Variants in NOP53 observed in about 807,000 individuals in gnomAD.
NOP53 encodes the protein NOP53 ribosome biogenesis factor, also known as ribosome biogenesis protein NOP53.
NOP53 carries 40 observed loss-of-function variants against 61.0 expected under a neutral mutation model. The ratio of observed to expected loss-of-function variants is 0.66; its 90% CI spans 0.51 to 0.85. The LOEUF is 0.85. Among genes scored for constraint, NOP53 ranks in the 40% least tolerant of loss-of-function variants. The pLI, the probability that NOP53 is intolerant of heterozygous loss-of-function variation, is 0.00. For synonymous variants in NOP53, 308 were observed against 289.5 expected (o/e 1.06, Z -0.65); for missense variants, 689 against 652.9 (o/e 1.06, Z -0.60).
At chr19:47,755,118 G>A (rs976545021) in intron 8 of NOP53, among the ~76,000 whole-genome samples, 3 of 152,108 alleles carry the variant, frequency 2.0e-5, no homozygotes, top group Non-Finnish European at 4.4e-5. Context: ...TTCTGTTTGA[G>A]GGGCGGGGTG....
chr19:47,756,393 G>C lies in NOP53; in HGVS notation c.1297-135G>C, dbSNP rs564189080. ...ACTGAGCCCCAGCAGCTGAGGGCCA[G>C]GCTGAGTCCCTGGTGCCCACAGGCT... is the stretch of plus-strand genomic sequence containing the variant. On this transcript the variant is annotated intron_variant, in intron 10 of 12. Coordinates refer to ENST00000246802, the MANE Select transcript of NOP53 (RefSeq NM_015710.5). The C allele has an allele frequency of 2.5e-4, 165 of 648,592 alleles. 1 individual carries two copies. In the Middle Eastern group the frequency reaches 3.8e-3, roughly 15 times the overall value. The allele number at this position is 648,592 out of a possible 1,614,324, so 40.2% of individuals were successfully genotyped here. A position where few individuals can be genotyped will look rare whatever the true frequency, so the allele number is the denominator to read the frequency against.
chr19:47,756,314 ACTC>A, intron 10 of NOP53: 1 of 586,096 alleles, frequency 1.7e-6, no homozygotes, highest in Non-Finnish European at 3.0e-6. Flanking sequence ...ACTTCCCGTG[ACTC>A]CTCTAAGCCC....
chr19:47,756,489 C>T, intron 10 of NOP53, 39 bp from the exon 11 acceptor site: 2 of 1,560,058 alleles, frequency 1.3e-6, no homozygotes, highest in Non-Finnish European at 1.8e-6. Context: ...CCTTGGGCTT[C>T]TGCCAGGCCC....
rs576309511 is a variant in NOP53, at chr19:47,754,593, C to T, written c.832C>T (p.Gln278Ter). ...RQKEAEKLER[Q>*]LALPATEQAA... Reference sequence around the variant, plus strand: ...GAAGGAGGCGGAGAAGCTGGAGCGGCAGCTGGCCCTGCCCGCCACGGAGCA... The same window carrying T: ...GAAGGAGGCGGAGAAGCTGGAGCGGTAGCTGGCCCTGCCCGCCACGGAGCA... Residue 278 changes from glutamine to a stop codon, truncating the protein, a stop_gained, in exon 7 of 13, where the codon CAG becomes TAG. Coordinates refer to ENST00000246802, the MANE Select transcript of NOP53 (RefSeq NM_015710.5). LOFTEE classifies it high-confidence loss of function. The surrounding 1 kb of genome is among the most constrained non-coding windows in gnomAD (Gnocchi z 4.2). 3.2e-6 allele frequency: 5 copies of T among 1,550,746 alleles called. No homozygotes were observed. Among genetic ancestry groups the T allele is most frequent in the East Asian group, 4.9e-5 (2 of 41,054 alleles).
rs1259527101 is a variant in NOP53, at chr19:47,754,400, T to A, written c.766-127T>A. Reference sequence around the variant, plus strand: ...GGTGGGTGTGCTGGTAGACGGGGTGTGGGGAGGAAAGCCTGGGCCGGGGCG... The same window carrying A: ...GGTGGGTGTGCTGGTAGACGGGGTGAGGGGAGGAAAGCCTGGGCCGGGGCG... On this transcript the variant is annotated intron_variant, in intron 6 of 12. Coordinates refer to ENST00000246802, the MANE Select transcript of NOP53 (RefSeq NM_015710.5). The surrounding 1 kb of genome is among the most constrained non-coding windows in gnomAD (Gnocchi z 4.2). 1.4e-6 allele frequency: 1 copy of A among 722,198 alleles called. No homozygotes were observed. The highest frequency in any genetic ancestry group is 2.4e-6 in the Non-Finnish European group (1 of 415,654). 44.7% of individuals were successfully genotyped at this position (722,198 alleles called of 1,614,324 possible).
intron 3 of NOP53, among the ~76,000 whole-genome samples, chr19:47,750,643 T>G (rs1372780303): frequency 5.3e-5 from 8 of 151,476 alleles, no homozygotes; most frequent in Admixed American, 3.9e-4. Context: ...GATGCTGAGG[T>G]TGGTTTTGAC....
In NOP53 at chr19:47,755,451, C is replaced by CGCGGCGGCAGAG. The variant is rs749342231; in HGVS notation, c.1168_1179dup (p.Arg390_Gln393dup). 29 of 1,514,694 alleles carry CGCGGCGGCAGAG rather than the reference C, an allele frequency of 1.9e-5. No homozygotes were observed. In the East Asian group the frequency reaches 6.1e-4, roughly 32 times the overall value. The allele number at this position is 1,514,694 out of a possible 1,614,324, so 93.8% of individuals were successfully genotyped here. On this transcript the variant is annotated inframe_insertion, in exon 9 of 13. Coordinates refer to ENST00000246802, the MANE Select transcript of NOP53 (RefSeq NM_015710.5). ...GTGGCCCTGAGGCTGGCGGAGCTGG[C>CGCGGCGGCAGAG]GCGGCGGCAGAGGCGGCGGCAGGCG...
rs150894017 is a variant in NOP53, at chr19:47,751,078, G to A, written c.569G>A (p.Arg190Gln). 4.9e-5 allele frequency: 79 copies of A among 1,608,800 alleles called. No individual in the cohort carries two copies. In the African/African-American group the frequency reaches 5.5e-4, roughly 11 times the overall value. ...CCCGGGCCCCAGGACACCGTAGAGC[G>A]GCCCTTCTACGACCTCTGGGCCTCA... ...AKPGPQDTVE[R>Q]PFYDLWASDN... The change falls in exon 4 of 13, where the codon CGG (arginine) becomes CAG (glutamine). Residue 190 changes from arginine (R) to glutamine (Q), a missense_variant. Arg to Gln is a conservative substitution (Grantham distance 43). Transcript: ENST00000246802.
intron 1 of NOP53, chr19:47,746,059 A>C (rs949505915): frequency 2.1e-6 from 1 of 486,118 alleles, no homozygotes; most frequent in Non-Finnish European, 3.6e-6. Flanking sequence ...TAGCATAAAT[A>C]CGTTCCATGC....
At chr19:47,749,055 G>A (rs1967095326) in intron 2 of NOP53, among the ~76,000 whole-genome samples, 2 of 151,602 alleles carry the variant, frequency 1.3e-5, no homozygotes, top group Non-Finnish European at 2.9e-5. Flanking sequence ...CAGCTACTCA[G>A]GAGGCTGAGG....
chr19:47,752,465 G>A (rs573129114), intron 5 of NOP53, 47 bp from the exon 6 acceptor site: 18 of 1,198,388 alleles, frequency 1.5e-5, no homozygotes, highest in African/African-American at 4.4e-5. Context: ...TGGGTCACCC[G>A]CAGCCCCAAC....
chr19:47,750,043 G>T (rs1001097406), intron 2 of NOP53, 135 bp from the exon 3 acceptor site: 2 of 580,100 alleles, frequency 3.4e-6, no homozygotes, highest in Non-Finnish European at 3.1e-6. Flanking sequence ...CTCCAGGTAG[G>T]AGCCTGGGGA....
At chr19:47,752,103 G>C (rs956398219) in intron 5 of NOP53, among the ~76,000 whole-genome samples, 14 of 149,210 alleles carry the variant, frequency 9.4e-5, no homozygotes, top group African/African-American at 3.4e-4. Flanking sequence ...GCGAAACTCT[G>C]TCTCAAAAAA....
rs780677965 is a variant in NOP53 at position 47,755,411 on chromosome 19, G to A, written c.1117G>A (p.Gly373Arg). Residue 373 changes from glycine to arginine, a missense_variant, in exon 9 of 13, where the codon GGG becomes AGG. Coordinates refer to ENST00000246802, the MANE Select transcript of NOP53 (RefSeq NM_015710.5). ...LRHQELFRLR[G>R]IKAQVALRLA... ...GCACCAGGAGCTGTTCCGGCTGCGC[G>A]GGATCAAGGCCCAGGTGGCCCTGAG... 49 of 1,533,980 alleles carry A rather than the reference G, an allele frequency of 3.2e-5. No individual in the cohort carries two copies. Among genetic ancestry groups the A allele is most frequent in the Non-Finnish European group, 3.8e-5 (44 of 1,144,114 alleles).
chr19:47,747,574 G>A (rs1272875514), intron 2 of NOP53, among the ~76,000 whole-genome samples: 6 of 151,574 alleles, frequency 4.0e-5, no homozygotes, highest in African/African-American at 1.5e-4. Flanking sequence ...CCTGGGAGGT[G>A]GAGGTTGCAG....
At chr19:47,749,550 C>T (rs1967100580) in intron 2 of NOP53, among the ~76,000 whole-genome samples, 1 of 152,114 alleles carries the variant, frequency 6.6e-6, no homozygotes, top group African/African-American at 2.4e-5. Flanking sequence ...TTATTCCATT[C>T]TAGAGTGTTT....
intron 2 of NOP53, among the ~76,000 whole-genome samples, chr19:47,748,847 C>G (rs1967092993): frequency 5.3e-5 from 8 of 152,150 alleles, no homozygotes; most frequent in Admixed American, 4.6e-4. Context: ...CCACTGCACT[C>G]CAGCCTGGGC....
Position 47,756,524 on chromosome 19 carries a change from G to A in NOP53, c.1297-4G>A. 1.9e-6 allele frequency: 3 copies of A among 1,613,396 alleles called. No individual in the cohort carries two copies. The highest frequency in any genetic ancestry group is 1.3e-5 in the African/African-American group (1 of 75,030). On this transcript the variant is annotated splice_region_variant and splice_polypyrimidine_tract_variant and intron_variant, in intron 10 of 12. Coordinates refer to ENST00000246802, the MANE Select transcript of NOP53 (RefSeq NM_015710.5). ...CTGCTGAGGCCTCCCTCTCTGTCCT[G>A]TAGCCCGAGGGCAACATCCTTCGAG...
chr19:47,749,989 G>A (rs1042962613), intron 2 of NOP53, among the ~76,000 whole-genome samples, 189 bp from the exon 3 acceptor site: 1 of 152,120 alleles, frequency 6.6e-6, no homozygotes, highest in Non-Finnish European at 1.5e-5. Context: ...GTTGTGGAGG[G>A]TCAGAGCTTG....
Sources: gnomAD v4.1 joint callset for allele counts (sites outside exome capture counted in the v4.1 genomes callset) on GRCh38, gnomAD v4.1.1 for gene constraint, Gnocchi (gnomAD v3.1) non-coding constraint, MANE v1.5 for transcripts, NCBI Gene and HGNC (gene_info 2026-07-23, HGNC 2026-07-21) for gene names.